The following ZNF708 variants were observed in gnomAD, a reference collection of about 807,000 sequenced individuals.
ZNF708 encodes the protein ZNF15, ZNF15L1.
Under a neutral mutation model 47.0 loss-of-function variants are expected in ZNF708, and 44 were observed. The observed-to-expected ratio is 0.94, with a 90% CI of 0.74 to 1.20. The LOEUF is 1.20. Ranked by LOEUF, ZNF708 falls within the 50% of genes most tolerant of loss-of-function variation. ZNF708 has a pLI of 0.00. For missense variants in ZNF708, 557 were observed against 656.0 expected, an observed-to-expected ratio of 0.85 and a Z score of 1.65; for synonymous variants, 184 against 218.5, an observed-to-expected ratio of 0.84 and a Z score of 1.39.
In ZNF708 at chr19:21,310,488, A is replaced by AC; in HGVS notation, c.130+12_130+13insG. ...AAATAATAAAAATTAAAAAAAAAAA[A>AC]ACTTATCCTCACCCAGGAATACCAG... On this transcript the variant is annotated intron_variant, in intron 2 of 3. Transcript: ENST00000356929. The AC allele has an allele frequency of 7.5e-7, 1 of 1,329,332 alleles. No homozygotes were observed. Among genetic ancestry groups the AC allele is most frequent in the Non-Finnish European group, 9.7e-7 (1 of 1,026,460 alleles). The allele number at this position is 1,329,332 out of a possible 1,614,324, so 82.3% of individuals were successfully genotyped here. A position where few individuals can be genotyped will look rare whatever the true frequency, so the allele number is the denominator to read the frequency against.
At chr19:21,308,370 C>T in intron 3 of ZNF708, among the ~76,000 whole-genome samples, 1 of 151,730 alleles carries the variant, frequency 6.6e-6, no homozygotes, top group Non-Finnish European at 1.5e-5. Flanking sequence ...ACCTCTGCCT[C>T]CCGGGTTCAA....
At chr19:21,321,124 G>T (rs1366498688) in intron 1 of ZNF708, among the ~76,000 whole-genome samples, 1 of 151,832 alleles carries the variant, frequency 6.6e-6, no homozygotes, top group Non-Finnish European at 1.5e-5. Flanking sequence ...CTGGGAGACA[G>T]TGAGACTCAT....
intron 1 of ZNF708, among the ~76,000 whole-genome samples, chr19:21,325,725 T>C (rs554033504): frequency 3.3e-5 from 5 of 152,214 alleles, no homozygotes; most frequent in African/African-American, 1.2e-4. Flanking sequence ...AGGGACCTAA[T>C]TAAATTAAAT....
chr19:21,318,762 T>C (rs1225231844), intron 1 of ZNF708: 1 of 152,200 alleles, frequency 6.6e-6, no homozygotes, highest in Non-Finnish European at 1.5e-5. Flanking sequence ...GTAGAATATA[T>C]GTGAGCTTGC....
chr19:21,302,580 G>A (rs1326254535), intron 3 of ZNF708, among the ~76,000 whole-genome samples: 1 of 151,030 alleles, frequency 6.6e-6, no homozygotes, highest in African/African-American at 2.4e-5. Context: ...GTACCTGTAA[G>A]CCCAGGTACT....
In ZNF708 at chr19:21,293,501, A is replaced by G. The variant is rs774287297; in HGVS notation, c.1465T>C (p.Ser489Pro). The change falls in exon 4 of 4, where the codon TCT becomes CCT. Residue 489 changes from serine to proline, a missense_variant. Transcript: ENST00000356929. ...ATTATCTTATGTGTAGTAAGATGAG[A>G]GGACAGAATAAAGCTTTTGCCACAT... ...EECGKSFILS[S>P]HLTTHKIIHT... 2 of 1,613,388 alleles carry G rather than the reference A, an allele frequency of 1.2e-6. No individual in the cohort carries two copies. The highest frequency in any genetic ancestry group is 2.2e-5 in the South Asian group (2 of 91,026).
chr19:21,309,712 A>C (rs1362027349), intron 2 of ZNF708, among the ~76,000 whole-genome samples: 1 of 152,188 alleles, frequency 6.6e-6, no homozygotes, highest in Non-Finnish European at 1.5e-5. Flanking sequence ...GTCTCAGAAA[A>C]AAATATTTTA....
intron 1 of ZNF708, among the ~76,000 whole-genome samples, chr19:21,311,481 C>G (rs565769029): frequency 1.3e-5 from 2 of 152,154 alleles, no homozygotes; most frequent in East Asian, 3.9e-4. Flanking sequence ...AGCACCACTG[C>G]TGGAATATTC....
chr19:21,327,324 G>A (rs1973280084), intron 1 of ZNF708, among the ~76,000 whole-genome samples: 1 of 151,946 alleles, frequency 6.6e-6, no homozygotes. Context: ...GAGGTCTGGA[G>A]TTTGAGACCA....
In ZNF708 at chr19:21,291,776, A is replaced by C. The variant is rs1972399458; in HGVS notation, c.*1498T>G. 6.6e-6 allele frequency: 1 copy of C among 152,102 alleles called. No individual in the cohort carries two copies. Among genetic ancestry groups the C allele is most frequent in the Non-Finnish European group, 1.5e-5 (1 of 68,124 alleles). 9.4% of individuals were successfully genotyped at this position (152,102 alleles called of 1,614,324 possible). ...GCTACTCAGTAGGCTGAGGCAGGAG[A>C]ATTGCTTGAACCCAGGAGGCAGAGG... On this transcript the variant is annotated 3_prime_UTR_variant, in exon 4 of 4. Coordinates refer to ENST00000356929, the MANE Select transcript of ZNF708 (RefSeq NM_021269.3).
At position 21,294,510 on chromosome 19, in the gene ZNF708, A is replaced by G; in HGVS notation, c.456T>C (p.Tyr152=). The change falls in exon 4 of 4, where the codon TAT becomes TAC. Residue 152 remains tyrosine, a synonymous_variant. Coordinates refer to ENST00000356929, the MANE Select transcript of ZNF708 (RefSeq NM_021269.3). ...CDKYVKVFHK[Y]SNAKRHKIRH... Reference sequence around the variant, plus strand: ...TTATCTTATGTCTCTTTGCATTTGAATATTTATGAAAGACTTTCACGTATT... The same window carrying G: ...TTATCTTATGTCTCTTTGCATTTGAGTATTTATGAAAGACTTTCACGTATT... 6.2e-7 allele frequency: 1 copy of G among 1,614,142 alleles called. No individual in the cohort carries two copies. The highest frequency in any genetic ancestry group is 8.5e-7 in the Non-Finnish European group (1 of 1,180,000).
At chr19:21,303,090 A>G (rs906993751) in intron 3 of ZNF708, among the ~76,000 whole-genome samples, 3 of 152,174 alleles carry the variant, frequency 2.0e-5, no homozygotes, top group Non-Finnish European at 4.4e-5. Flanking sequence ...TCTACAAAAA[A>G]AAATACAACA....
chr19:21,305,780 T>C (rs1280294448), intron 3 of ZNF708, among the ~76,000 whole-genome samples: 1 of 152,102 alleles, frequency 6.6e-6, no homozygotes, highest in African/African-American at 2.4e-5. Flanking sequence ...TAAATTTGAT[T>C]ACAAACTATA....
In ZNF708 at chr19:21,294,595, C is replaced by A; in HGVS notation, c.371G>T (p.Gly124Val). 6.2e-7 allele frequency: 1 copy of A among 1,614,100 alleles called. No individual in the cohort carries two copies. The highest frequency in any genetic ancestry group is 2.2e-5 in the East Asian group (1 of 44,860). Reference sequence around the variant, plus strand: ...CACACACCGGTTAAGTCCCTTGTGACCTCCTTTGTGCAACTTATGCTCATC... The same window carrying A: ...CACACACCGGTTAAGTCCCTTGTGAACTCCTTTGTGCAACTTATGCTCATC... Reference protein sequence around the residue: ...SVDEHKLHKGGHKGLNRCVTT... With the variant: ...SVDEHKLHKGVHKGLNRCVTT... Residue 124 changes from glycine to valine, a missense_variant, in exon 4 of 4, where the codon GGT becomes GTT. By Grantham distance (109) the Gly-to-Val change is moderately radical. Transcript: ENST00000356929.
intron 1 of ZNF708, among the ~76,000 whole-genome samples, chr19:21,318,904 T>C (rs1447515037): frequency 6.6e-6 from 1 of 152,148 alleles, no homozygotes; most frequent in African/African-American, 2.4e-5. Context: ...ACTATCCCTA[T>C]TGGATAAAAC....
At chr19:21,298,761 T>A (rs1408142598) in intron 3 of ZNF708, among the ~76,000 whole-genome samples, 1 of 152,202 alleles carries the variant, frequency 6.6e-6, no homozygotes, top group Non-Finnish European at 1.5e-5. Context: ...AGTCATTTGC[T>A]TACCCATAAT....
chr19:21,326,095 A>T (rs1973251159), intron 1 of ZNF708, among the ~76,000 whole-genome samples: 1 of 152,218 alleles, frequency 6.6e-6, no homozygotes, highest in Admixed American at 6.5e-5. Context: ...TGAACAGGGA[A>T]CACTTCTACA....
At position 21,311,496 on chromosome 19, in the gene ZNF708, C is replaced by CA. The variant is rs753926174; in HGVS notation, c.4-870dup. 4.9e-4 allele frequency among the ~76,000 whole-genome samples: 74 copies of CA among 152,160 alleles called. 1 individual carries two copies. The highest frequency in any genetic ancestry group is 3.4e-3 in the Middle Eastern group (1 of 294). On this transcript the variant is annotated intron_variant, in intron 1 of 3. Transcript: ENST00000356929. ...AGCACCACTGCTGGAATATTCCCCC[C>CA]AAAAGTGAATTATAGTCTGAATTTA... is the stretch of plus-strand genomic sequence containing the variant.
chr19:21,317,095 A>G (rs1973029864), intron 1 of ZNF708, among the ~76,000 whole-genome samples: 1 of 148,554 alleles, frequency 6.7e-6, no homozygotes, highest in Admixed American at 6.8e-5. Context: ...CCTTTGGTGA[A>G]ACCCCATCTC....
Sources: allele counts gnomAD v4.1 joint callset (sites outside exome capture counted in the v4.1 genomes callset), GRCh38; gene constraint gnomAD v4.1.1; transcripts MANE v1.5; gene names NCBI Gene and HGNC (gene_info 2026-07-23, HGNC 2026-07-21).